Variants in PDK1 observed in about 807,000 individuals in gnomAD.
The protein encoded by PDK1 is [Pyruvate dehydrogenase (acetyl-transferring)] kinase isozyme 1, mitochondrial.
In PDK1, 39 loss-of-function variants were observed where a neutral mutation model predicts 54.2. That is an observed-to-expected ratio of 0.72 (90% confidence interval 0.56 to 0.94). PDK1 has a LOEUF of 0.94. Among genes scored for constraint, PDK1 ranks in the 40% least tolerant of loss-of-function variants. The probability of loss-of-function intolerance (pLI) is 0.00; values close to 1 mark genes in which losing one functional copy is unlikely to be tolerated. For synonymous variants in PDK1, 221 were observed against 207.1 expected, an observed-to-expected ratio of 1.07 and a Z score of -0.58; for missense variants, 552 against 566.0, an observed-to-expected ratio of 0.98 and a Z score of 0.25.
chr2:172,622,048 A>G, the PDK1 span, among the ~76,000 whole-genome samples: 1 of 147,330 alleles, frequency 6.8e-6, no homozygotes, highest in Non-Finnish European at 1.5e-5. Context: ...TATATCTCAT[A>G]TATGTGAGAT....
At chr2:172,681,650 A>G in the PDK1 span, among the ~76,000 whole-genome samples, 2 of 152,252 alleles carry the variant, frequency 1.3e-5, no homozygotes, top group African/African-American at 4.8e-5. Context: ...ACACATAATA[A>G]ATAAGTAAAT....
the PDK1 span, among the ~76,000 whole-genome samples, chr2:172,647,705 C>T: frequency 6.6e-6 from 1 of 152,146 alleles, no homozygotes; most frequent in African/African-American, 2.4e-5. Flanking sequence ...GCAAGCTCTA[C>T]CGTAATAATT....
the PDK1 span, among the ~76,000 whole-genome samples, chr2:172,621,455 C>T: frequency 6.6e-6 from 1 of 151,712 alleles, no homozygotes; most frequent in Admixed American, 6.6e-5. Context: ...GACTGGCTTT[C>T]CTTGCCCCTC....
chr2:172,714,280 T>A, the PDK1 span, among the ~76,000 whole-genome samples: 5 of 152,212 alleles, frequency 3.3e-5, no homozygotes, highest in African/African-American at 1.2e-4. Flanking sequence ...TACAATATAA[T>A]CTAAATACCA....
chr2:172,719,194 A>G, the PDK1 span, among the ~76,000 whole-genome samples: 2 of 152,216 alleles, frequency 1.3e-5, no homozygotes, highest in African/African-American at 2.4e-5. Context: ...GCATAGATGT[A>G]CTACACTTTA....
chr2:172,575,358 T>C (rs1289659101), intron 8 of PDK1, among the ~76,000 whole-genome samples: 1 of 152,194 alleles, frequency 6.6e-6, no homozygotes, highest in Non-Finnish European at 1.5e-5. Context: ...TTCCCTCTCT[T>C]TCTACATTTT....
At chr2:172,666,419 G>A in the PDK1 span, among the ~76,000 whole-genome samples, 1 of 152,314 alleles carries the variant, frequency 6.6e-6, no homozygotes, top group South Asian at 2.1e-4. Flanking sequence ...TACTTCTGTA[G>A]AAGGGTGTAT....
At chr2:172,669,200 C>T in the PDK1 span, among the ~76,000 whole-genome samples, 1 of 151,466 alleles carries the variant, frequency 6.6e-6, no homozygotes, top group Non-Finnish European at 1.5e-5. Flanking sequence ...GCTGGGACTA[C>T]AGGCGTCTGC....
chr2:172,656,038 A>G, the PDK1 span, among the ~76,000 whole-genome samples: 1 of 152,238 alleles, frequency 6.6e-6, no homozygotes, highest in African/African-American at 2.4e-5. Context: ...TTTGTCCTCC[A>G]TAAACATCAC....
the PDK1 span, among the ~76,000 whole-genome samples, chr2:172,661,831 T>C: frequency 2.0e-5 from 3 of 152,168 alleles, no homozygotes; most frequent in African/African-American, 7.2e-5. Context: ...GGGCAGGGGC[T>C]GATAAACTAC....
the PDK1 span, among the ~76,000 whole-genome samples, chr2:172,677,901 G>A: frequency 6.6e-6 from 1 of 152,330 alleles, no homozygotes; most frequent in Middle Eastern, 3.4e-3. Flanking sequence ...GGGTGCGGTA[G>A]CTCACGCCTG....
chr2:172,643,321 A>C, the PDK1 span, among the ~76,000 whole-genome samples: 1 of 152,198 alleles, frequency 6.6e-6, no homozygotes, highest in African/African-American at 2.4e-5. Context: ...CCGTTTGTCA[A>C]ATACTTGAGT....
At chr2:172,650,404 G>C in the PDK1 span, among the ~76,000 whole-genome samples, 1 of 152,146 alleles carries the variant, frequency 6.6e-6, no homozygotes, top group Non-Finnish European at 1.5e-5. Flanking sequence ...GACCATCAAT[G>C]CTAGCAAGAA....
the PDK1 span, among the ~76,000 whole-genome samples, chr2:172,630,120 C>T: frequency 6.6e-6 from 1 of 152,214 alleles, no homozygotes; most frequent in East Asian, 1.9e-4. Flanking sequence ...CTTACTAACA[C>T]TTGGGATCAT....
chr2:172,667,026 T>C, the PDK1 span, among the ~76,000 whole-genome samples: 1 of 152,216 alleles, frequency 6.6e-6, no homozygotes, highest in Admixed American at 6.5e-5. Flanking sequence ...TACGTGGATA[T>C]ATTATGTAGT....
At chr2:172,657,238 C>A in the PDK1 span, among the ~76,000 whole-genome samples, 2 of 151,320 alleles carry the variant, frequency 1.3e-5, no homozygotes, top group Non-Finnish European at 2.9e-5. Flanking sequence ...GTTGCCTAGG[C>A]TGATCTTAAA....
chr2:172,593,107 T>C, intron 10 of PDK1, 59 bp downstream of exon 10: 1 of 862,722 alleles, frequency 1.2e-6, no homozygotes, highest in Non-Finnish European at 1.9e-6. Flanking sequence ...CAGATGTCCA[T>C]ACTTAACTGT....
At chr2:172,654,861 A>G in the PDK1 span, among the ~76,000 whole-genome samples, 1 of 152,300 alleles carries the variant, frequency 6.6e-6, no homozygotes, top group African/African-American at 2.4e-5. Context: ...GATAAGCTGT[A>G]AGGACGGTTT....
intron 8 of PDK1, 89 bp from the exon 9 acceptor site, chr2:172,586,189 A>G (rs1690217460): frequency 4.4e-6 from 3 of 674,556 alleles, no homozygotes; most frequent in Admixed American, 2.4e-5. Flanking sequence ...CTCTCCCACC[A>G]GCAGTTAAAC....
Sources: gnomAD v4.1 joint callset for allele counts (sites outside exome capture counted in the v4.1 genomes callset) on GRCh38, gnomAD v4.1.1 for gene constraint, MANE v1.5 for transcripts, NCBI Gene and HGNC (gene_info 2026-07-23, HGNC 2026-07-21) for gene names.